Variants in CDH18 observed in about 807,000 individuals in gnomAD.
The protein encoded by CDH18 is cadherin-18.
CDH18 carries 31 observed loss-of-function variants against 67.9 expected under a neutral mutation model. That is an observed-to-expected ratio of 0.46 (90% confidence interval 0.34 to 0.62). The LOEUF is 0.62. Ranked by LOEUF, CDH18 falls within the 20% of genes least tolerant of loss-of-function variation. The pLI, the probability that CDH18 is intolerant of heterozygous loss-of-function variation, is 0.01. For synonymous variants in CDH18, 362 were observed against 347.2 expected (o/e 1.04, Z -0.48); for missense variants, 890 against 975.5 (o/e 0.91, Z 1.17).
intron 1 of CDH18, among the ~76,000 whole-genome samples, chr5:20,429,858 G>T (rs1297058002): frequency 2.0e-5 from 3 of 152,120 alleles, no homozygotes; most frequent in Non-Finnish European, 4.4e-5. Context: ...TATGTAAAAT[G>T]ATAATGCCAA....
rs373390372 is a variant in CDH18 at position 20,260,120 on chromosome 5, T to C, written c.-579-4615A>G. Among the ~76,000 whole-genome samples the C allele has an allele frequency of 3.4e-4, 52 of 151,802 alleles. 1 individual carries two copies. The highest frequency in any genetic ancestry group is 1.2e-3 in the African/African-American group (48 of 41,496). On this transcript the variant is annotated intron_variant, in intron 1 of 14. Coordinates refer to the CDH18 transcript ENST00000507958. Reference sequence around the variant, plus strand: ...TTTCTCAACCAAGAGCCATAGCCTTTAGATAAGCCGTAAAATCCAATCAAG... The same window carrying C: ...TTTCTCAACCAAGAGCCATAGCCTTCAGATAAGCCGTAAAATCCAATCAAG...
At chr5:19,732,121 T>A (rs907819611) in intron 4 of CDH18, among the ~76,000 whole-genome samples, 1 of 151,670 alleles carries the variant, frequency 6.6e-6, no homozygotes, top group Non-Finnish European at 1.5e-5. Context: ...ATGCATTTTT[T>A]AAAACTATGA....
At chr5:19,831,642 A>T (rs1243376468) in intron 3 of CDH18, among the ~76,000 whole-genome samples, 1 of 151,846 alleles carries the variant, frequency 6.6e-6, no homozygotes, top group Non-Finnish European at 1.5e-5. Context: ...GAACACATAC[A>T]CTCTTGGTGG....
At chr5:20,325,123 C>G (rs1382801476) in intron 1 of CDH18, among the ~76,000 whole-genome samples, 1 of 152,176 alleles carries the variant, frequency 6.6e-6, no homozygotes, top group Non-Finnish European at 1.5e-5. Context: ...TCTAGTTCCC[C>G]GTTGGCAATG....
intron 2 of CDH18, among the ~76,000 whole-genome samples, chr5:19,968,343 TTTAAAGTTCA>T (rs1797678191): frequency 6.6e-6 from 1 of 152,128 alleles, no homozygotes; most frequent in Admixed American, 6.6e-5. Flanking sequence ...AAAAAATTAC[TTTAAAGTTCA>T]TATGGAACCA....
chr5:19,603,798 G>A (rs1747568746), intron 6 of CDH18, among the ~76,000 whole-genome samples: 1 of 148,880 alleles, frequency 6.7e-6, no homozygotes, highest in Admixed American at 6.7e-5. Flanking sequence ...ATTGTTTATA[G>A]TATCAATAAA....
At chr5:20,501,713 G>T (rs1196243230) in intron 1 of CDH18, among the ~76,000 whole-genome samples, 1 of 86,300 alleles carries the variant, frequency 1.2e-5, no homozygotes, top group African/African-American at 3.9e-5. Flanking sequence ...AAAATCTTAA[G>T]GATTTGTGTG....
intron 2 of CDH18, among the ~76,000 whole-genome samples, chr5:20,188,762 C>A (rs192968451): frequency 6.8e-6 from 1 of 146,410 alleles, no homozygotes. Flanking sequence ...ACAAAACCAT[C>A]TGTAATCTAG....
At chr5:20,290,672 C>T (rs773127648) in intron 1 of CDH18, among the ~76,000 whole-genome samples, 3 of 152,096 alleles carry the variant, frequency 2.0e-5, no homozygotes, top group Non-Finnish European at 1.5e-5. Flanking sequence ...ATGCTTGATT[C>T]GGAAGACAGT....
chr5:19,621,271 C>A (rs940141700), intron 5 of CDH18, among the ~76,000 whole-genome samples: 1 of 138,938 alleles, frequency 7.2e-6, no homozygotes, highest in Non-Finnish European at 1.5e-5. Context: ...TAAGGCAGTT[C>A]TATTTCTTAA....
chr5:19,957,791 A>C (rs1796396970), intron 2 of CDH18, among the ~76,000 whole-genome samples: 1 of 152,036 alleles, frequency 6.6e-6, no homozygotes, highest in Admixed American at 6.6e-5. Context: ...GATGATGTAC[A>C]ATAGAAGACT....
intron 4 of CDH18, among the ~76,000 whole-genome samples, chr5:19,743,608 T>A (rs1769525545): frequency 6.6e-6 from 1 of 152,070 alleles, no homozygotes; most frequent in Admixed American, 6.6e-5. Context: ...GCCTATAATA[T>A]CATCAACTTT....
intron 9 of CDH18, among the ~76,000 whole-genome samples, chr5:19,528,536 G>C (rs1413385756): frequency 6.6e-6 from 1 of 151,596 alleles, no homozygotes; most frequent in African/African-American, 2.4e-5. Context: ...TAAATATATT[G>C]AAATGCATAA....
chr5:19,910,766 A>G (rs747362764), intron 2 of CDH18, among the ~76,000 whole-genome samples: 12 of 152,268 alleles, frequency 7.9e-5, no homozygotes, highest in South Asian at 2.1e-4. Flanking sequence ...TGGGTACCCT[A>G]TGAAAAAAGA....
intron 1 of CDH18, among the ~76,000 whole-genome samples, chr5:20,520,405 G>T (rs555210004): frequency 3.0e-4 from 45 of 152,190 alleles, no homozygotes; most frequent in African/African-American, 1.0e-3. Flanking sequence ...ATATGGAAAC[G>T]TTATGGTAGA....
chr5:19,683,770 A>G (rs1424519530), intron 5 of CDH18, among the ~76,000 whole-genome samples: 1 of 152,176 alleles, frequency 6.6e-6, no homozygotes, highest in East Asian at 1.9e-4. Flanking sequence ...TTTCCAATAC[A>G]CACTCATTAC....
At chr5:19,571,354 CAT>C (rs1300144551) in intron 8 of CDH18, among the ~76,000 whole-genome samples, 8 of 152,122 alleles carry the variant, frequency 5.3e-5, no homozygotes, top group East Asian at 3.9e-4. Flanking sequence ...AAAAAATTAA[CAT>C]GTGGTCAATA....
chr5:20,009,289 T>C (rs1385967526), intron 2 of CDH18, among the ~76,000 whole-genome samples: 1 of 152,124 alleles, frequency 6.6e-6, no homozygotes, highest in African/African-American at 2.4e-5. Flanking sequence ...CTACATCTCA[T>C]GTATCATTAT....
At chr5:19,969,939 C>T (rs1021179229) in intron 2 of CDH18, among the ~76,000 whole-genome samples, 1 of 151,962 alleles carries the variant, frequency 6.6e-6, no homozygotes, top group African/African-American at 2.4e-5. Flanking sequence ...TGTTTTACAT[C>T]CAATAAGTTT....
Sources: allele counts gnomAD v4.1 joint callset (sites outside exome capture counted in the v4.1 genomes callset), GRCh38; gene constraint gnomAD v4.1.1; transcripts MANE v1.5; gene names NCBI Gene and HGNC (gene_info 2026-07-23, HGNC 2026-07-21).